The following ANGPTL5 variants were observed in gnomAD, a reference collection of about 807,000 sequenced individuals.
ANGPTL5 encodes angiopoietin-related protein 5.
A neutral mutation model predicts 39.4 loss-of-function variants in ANGPTL5; 34 were observed. The observed-to-expected ratio is 0.86, with a 90% CI of 0.66 to 1.15. ANGPTL5 has a LOEUF of 1.15. Among genes scored for constraint, ANGPTL5 ranks in the 50% most tolerant of loss-of-function variants. The pLI, the probability that ANGPTL5 is intolerant of heterozygous loss-of-function variation, is 0.00. For missense variants in ANGPTL5, 467 were observed against 457.5 expected, an observed-to-expected ratio of 1.02 and a Z score of -0.19; for synonymous variants, 146 against 152.1, an observed-to-expected ratio of 0.96 and a Z score of 0.29.
At chr11:101,899,619 A>G (rs560603050) in intron 7 of ANGPTL5, among the ~76,000 whole-genome samples, 1 of 152,370 alleles carries the variant, frequency 6.6e-6, no homozygotes, top group East Asian at 1.9e-4. Context: ...ATGCAAGTAA[A>G]TTCACTATAC....
rs538678287 is a variant in ANGPTL5, at chr11:101,905,829, A to G, written c.260T>C (p.Ile87Thr). The G allele has an allele frequency of 6.2e-7, 1 of 1,609,866 alleles. No homozygotes were observed. Among genetic ancestry groups the G allele is most frequent in the South Asian group, 1.1e-5 (1 of 90,880 alleles). ...HFMCRNLQNS[I>T]VSYTRSTKKL... ...TTTGGTACTTCTTGTGTAGGAAACA[A>G]TAGAATTTTGCAAATTTCCTTAACC... The change falls in exon 4 of 9, where the codon ATT becomes ACT. Residue 87 changes from isoleucine to threonine, a missense_variant. Transcript: ENST00000334289.
chr11:101,891,035 G>A lies in ANGPTL5; in HGVS notation c.*244C>T, dbSNP rs181118192. On this transcript the variant is annotated 3_prime_UTR_variant, in exon 9 of 9. Coordinates refer to ENST00000334289, the MANE Select transcript of ANGPTL5 (RefSeq NM_178127.5). ...ATAAATTTTAGGAAGACAAGTTGTA[G>A]TTCACTTGAAACAAATTTCATTGTA... is the stretch of plus-strand genomic sequence containing the variant. 1.5e-3 allele frequency: 490 copies of A among 316,930 alleles called. No individual in the cohort carries two copies. Among genetic ancestry groups the A allele is most frequent in the Non-Finnish European group, 2.3e-3 (398 of 174,208 alleles). The allele number at this position is 316,930 out of a possible 1,614,324, so 19.6% of individuals were successfully genotyped here.
intron 1 of ANGPTL5, among the ~76,000 whole-genome samples, chr11:101,910,410 CAA>C (rs200542892): frequency 0.41 from 48,924 of 119,646 alleles, 8,999 homozygotes; most frequent in East Asian, 0.52. Flanking sequence ...AACTCCGTCT[CAA>C]AAAAAAAAAA....
Position 101,904,844 on chromosome 11 carries a change from G to T in ANGPTL5, c.409C>A (p.Pro137Thr), listed in dbSNP as rs1384574114. The T allele has an allele frequency of 6.2e-7, 1 of 1,613,648 alleles. No homozygotes were observed. Among genetic ancestry groups the T allele is most frequent in the South Asian group, 1.1e-5 (1 of 91,076 alleles). ...GACTGAACAGGTCTGTGAGGAAAAG[G>T]ATCCAGCTGTTTTCTAAAAACTTCT... ...TTEVFRKQLD[P>T]FPHRPVQSHG... The change falls in exon 5 of 9, where the codon CCT (proline) becomes ACT (threonine). Residue 137 changes from proline (P) to threonine (T), a missense_variant. Transcript: ENST00000334289.
Position 101,904,857 on chromosome 11 carries a change from T to C in ANGPTL5, c.396A>G (p.Arg132=), listed in dbSNP as rs908375786. ...RVLLLTTEVF[R]KQLDPFPHRP... The stretch of plus-strand genomic sequence containing the variant: ...TGTGAGGAAAAGGATCCAGCTGTTT[T>C]CTAAAAACTTCTGTAGTCAAAAGGA... The change falls in exon 5 of 9, where the codon AGA becomes AGG. Residue 132 remains arginine (R), a synonymous_variant. Coordinates refer to ENST00000334289, the MANE Select transcript of ANGPTL5 (RefSeq NM_178127.5). 6.2e-7 allele frequency: 1 copy of C among 1,613,788 alleles called. No individual in the cohort carries two copies.
intron 6 of ANGPTL5, 151 bp from the exon 7 acceptor site, chr11:101,900,701 G>GT (rs984961641): frequency 6.8e-5 from 53 of 777,914 alleles, no homozygotes; most frequent in African/African-American, 6.7e-4. Flanking sequence ...TTATTCAGAT[G>GT]TTTTTTATAT....
intron 1 of ANGPTL5, among the ~76,000 whole-genome samples, chr11:101,908,688 G>A (rs1466525880): frequency 2.6e-5 from 4 of 151,250 alleles, no homozygotes; most frequent in Non-Finnish European, 4.4e-5. Flanking sequence ...GCTGAGGCAG[G>A]GAGAATCGCT....
At chr11:101,903,799 G>A (rs951635865) in intron 5 of ANGPTL5, among the ~76,000 whole-genome samples, 2 of 152,112 alleles carry the variant, frequency 1.3e-5, no homozygotes, top group Non-Finnish European at 2.9e-5. Flanking sequence ...AGATTATTTC[G>A]ATTTTTCTGG....
At chr11:101,907,334 G>C (rs2137062989) in intron 2 of ANGPTL5, 87 bp from the exon 3 acceptor site, 1 of 885,718 alleles carries the variant, frequency 1.1e-6, no homozygotes, top group South Asian at 2.2e-5. Context: ...ATAGAGAAAA[G>C]CTTAGATTTC....
At chr11:101,906,199 T>C (rs565694246) in intron 3 of ANGPTL5, among the ~76,000 whole-genome samples, 41 of 152,262 alleles carry the variant, frequency 2.7e-4, no homozygotes, top group South Asian at 1.0e-3. Flanking sequence ...CAATTCTTAC[T>C]GTAAAAGAAA....
intron 3 of ANGPTL5, 96 bp from the exon 4 acceptor site, chr11:101,905,943 T>C: frequency 1.4e-6 from 1 of 718,964 alleles, no homozygotes; most frequent in Non-Finnish European, 2.5e-6. Context: ...TGGATATGTA[T>C]GTTAACTCAA....
At position 101,909,776 on chromosome 11, in the gene ANGPTL5, G is replaced by A. The variant is rs543541512; in HGVS notation, c.-92-1775C>T. Among the ~76,000 whole-genome samples the A allele has an allele frequency of 7.4e-4, 113 of 152,304 alleles. 1 individual carries two copies. Among genetic ancestry groups the A allele is most frequent in the Non-Finnish European group, 1.1e-3 (75 of 68,020 alleles). ...CAGCTGCCACATGGTTATAATACTT[G>A]TTAAATTAAATAAGCAGGAGGCCAT... On this transcript the variant is annotated intron_variant, in intron 1 of 8. Transcript: ENST00000334289.
chr11:101,909,729 A>C (rs190198868), intron 1 of ANGPTL5, among the ~76,000 whole-genome samples: 1 of 152,320 alleles, frequency 6.6e-6, no homozygotes, highest in Admixed American at 6.5e-5. Context: ...CAAAAGTGAA[A>C]GCACAAAAAA....
At position 101,895,075 on chromosome 11, in the gene ANGPTL5, A is replaced by C. The variant is rs1419890898; in HGVS notation, c.662-11T>G. ...CTAGCCAAAATTCTCCTGTAAAAAA[A>C]ATGCTTTGTTTTAATATATTTTAAT... is the stretch of plus-strand genomic sequence containing the variant. On this transcript the variant is annotated splice_polypyrimidine_tract_variant and intron_variant, in intron 7 of 8. Transcript: ENST00000334289. 1 of 1,542,584 alleles carries C rather than the reference A, an allele frequency of 6.5e-7. No individual in the cohort carries two copies.
intron 5 of ANGPTL5, 80 bp from the exon 6 acceptor site, chr11:101,902,801 T>TA: frequency 1.2e-6 from 1 of 821,252 alleles, no homozygotes; most frequent in Non-Finnish European, 2.0e-6. Flanking sequence ...GAATTGATAG[T>TA]GCTATTATCA....
intron 2 of ANGPTL5, 92 bp downstream of exon 2, chr11:101,907,722 G>C: frequency 1.2e-6 from 1 of 810,110 alleles, no homozygotes; most frequent in Non-Finnish European, 2.0e-6. Context: ...AATTATATTT[G>C]GTAGTTATGA....
At chr11:101,899,819 C>T (rs1394616568) in intron 7 of ANGPTL5, among the ~76,000 whole-genome samples, 2 of 152,170 alleles carry the variant, frequency 1.3e-5, no homozygotes, top group Non-Finnish European at 2.9e-5. Flanking sequence ...AGTAAACTCA[C>T]TGGCAGAAGT....
chr11:101,915,542 C>A, intron 1 of ANGPTL5: 1 of 1,192,478 alleles, frequency 8.4e-7, no homozygotes. Context: ...GCAGATATTT[C>A]CTTTAGCAAC....
intron 1 of ANGPTL5, among the ~76,000 whole-genome samples, chr11:101,912,471 C>G (rs1220591720): frequency 6.6e-6 from 1 of 152,082 alleles, no homozygotes; most frequent in Non-Finnish European, 1.5e-5. Context: ...ATGTTCAGAG[C>G]CCCTTGGGCC....
Sources: gnomAD v4.1 joint callset for allele counts (sites outside exome capture counted in the v4.1 genomes callset) on GRCh38, gnomAD v4.1.1 for gene constraint, MANE v1.5 for transcripts, NCBI Gene and HGNC (gene_info 2026-07-23, HGNC 2026-07-21) for gene names.